TCP11: variants seen among roughly 807,000 people sequenced by gnomAD.
The protein encoded by TCP11 is T-complex protein 11 homolog.
TCP11 carries 34 observed loss-of-function variants against 45.0 expected under a neutral mutation model. The observed-to-expected ratio is 0.76, with a 90% confidence interval of 0.57 to 1.01. The LOEUF is 1.01. Ranked by LOEUF, TCP11 falls within the 50% of genes least tolerant of loss-of-function variation. The pLI is 0.00. For synonymous variants in TCP11, 227 were observed against 227.0 expected, an observed-to-expected ratio of 1.00 and a Z score of 0.00; for missense variants, 523 against 598.1, an observed-to-expected ratio of 0.87 and a Z score of 1.31.
At chr6:35,134,428 G>A (rs1198164944) in intron 3 of TCP11, among the ~76,000 whole-genome samples, 4 of 151,598 alleles carry the variant, frequency 2.6e-5, no homozygotes, top group African/African-American at 4.9e-5. Flanking sequence ...CTACAGGCTC[G>A]CACCACCATG....
At chr6:35,123,685 G>A (rs1414160065) in intron 4 of TCP11, among the ~76,000 whole-genome samples, 6 of 136,366 alleles carry the variant, frequency 4.4e-5, no homozygotes, top group African/African-American at 8.3e-5. Flanking sequence ...ATGGGGTCTC[G>A]CTGTGTTGCC....
At chr6:35,134,880 G>C (rs1240718863) in intron 3 of TCP11, among the ~76,000 whole-genome samples, 1 of 151,898 alleles carries the variant, frequency 6.6e-6, no homozygotes, top group Non-Finnish European at 1.5e-5. Context: ...GGCCGGGTAC[G>C]GTGGCTCACG....
At chr6:35,132,202 G>A (rs1316795851) in intron 3 of TCP11, among the ~76,000 whole-genome samples, 1 of 152,126 alleles carries the variant, frequency 6.6e-6, no homozygotes, top group Non-Finnish European at 1.5e-5. Context: ...AACATACCAT[G>A]TTCTACCACC....
chr6:35,129,117 G>T lies in TCP11; in HGVS notation c.302C>A (p.Ser101Ter). The change falls in exon 4 of 10, where the codon TCA (serine) becomes TAA (stop). Residue 101 changes from serine to a stop codon, truncating the protein, a stop_gained. Transcript: ENST00000311875. LOFTEE classifies it high-confidence loss of function. ...ACAGCTGAAGTCAGGGGGAGTTGCT[G>T]ATAGTTGCTCTTTAAGATGGTCCCA... Reference protein sequence around the residue: ...AFWDHLKEQLSATPPDFSCAL... With the variant: ...AFWDHLKEQL 6.2e-7 allele frequency: 1 copy of T among 1,614,148 alleles called. No individual in the cohort carries two copies. The highest frequency in any genetic ancestry group is 8.5e-7 in the Non-Finnish European group (1 of 1,180,012).
intron 4 of TCP11, among the ~76,000 whole-genome samples, chr6:35,123,147 G>A (rs1007913258): frequency 6.6e-6 from 1 of 152,138 alleles, no homozygotes; most frequent in African/African-American, 2.4e-5. Context: ...TTCCTTCTTG[G>A]CTCTGGTATG....
At chr6:35,130,132 C>A (rs1780235081) in intron 3 of TCP11, among the ~76,000 whole-genome samples, 1 of 151,988 alleles carries the variant, frequency 6.6e-6, no homozygotes, top group Non-Finnish European at 1.5e-5. Context: ...AATGTTGGAA[C>A]AACTAGATAT....
chr6:35,140,103 A>G, intron 2 of TCP11: 1 of 1,613,932 alleles, frequency 6.2e-7, no homozygotes, highest in Non-Finnish European at 8.5e-7. Flanking sequence ...TGTGGCCACA[A>G]GAAAAACCAA....
intron 8 of TCP11, 114 bp from the exon 9 acceptor site, chr6:35,119,505 C>T: frequency 7.7e-7 from 1 of 1,294,462 alleles, no homozygotes; most frequent in Admixed American, 2.2e-5. Flanking sequence ...TGTCAGCCAC[C>T]CTCTCCACCC....
rs1163356250 is a variant in TCP11, at chr6:35,120,730, C to A, written c.716-84G>T. On this transcript the variant is annotated intron_variant, in intron 6 of 9. Transcript: ENST00000311875. The surrounding 1 kb of genome is among the most constrained non-coding windows in gnomAD (Gnocchi z 4.9). The stretch of plus-strand genomic sequence containing the variant: ...GACCAAGGTTCTTTTCAAGTATACT[C>A]CTGGTCAATAAATAAATGCTTTGAG... 3.5e-6 allele frequency: 5 copies of A among 1,439,036 alleles called. No individual in the cohort carries two copies. The allele number at this position is 1,439,036 out of a possible 1,614,324, so 89.1% of individuals were successfully genotyped here.
At position 35,140,834 on chromosome 6, in the gene TCP11, G is replaced by A; in HGVS notation, c.37C>T (p.Pro13Ser). 1 of 1,564,008 alleles carries A rather than the reference G, an allele frequency of 6.4e-7. No individual in the cohort carries two copies. The highest frequency in any genetic ancestry group is 8.6e-7 in the Non-Finnish European group (1 of 1,159,014). ...CAGGACCTGCCCTCTGAGTCGCCAG[G>A]ATATTTCGGGGGCACACTCTCCTTG... ...DVKESVPPKYPGDSEGRSCKP... is the reference protein window; with the variant it reads ...DVKESVPPKYSGDSEGRSCKP... Residue 13 changes from proline (P) to serine (S), a missense_variant, in exon 2 of 10, where the codon CCT (proline) becomes TCT (serine). By Grantham distance (74) the Pro-to-Ser change is moderately conservative. Transcript: ENST00000311875.
chr6:35,129,247 C>T, intron 3 of TCP11, 65 bp from the exon 4 acceptor site: 1 of 1,540,192 alleles, frequency 6.5e-7, no homozygotes, highest in South Asian at 1.3e-5. Flanking sequence ...GTCATAACCT[C>T]CTAAACCCCA....
chr6:35,121,569 T>C (rs945731103), intron 5 of TCP11, among the ~76,000 whole-genome samples: 3 of 151,676 alleles, frequency 2.0e-5, no homozygotes, highest in Non-Finnish European at 4.4e-5. Context: ...TCCCAGCACT[T>C]TGGGAGGCCG....
At chr6:35,141,140 G>C in intron 1 of TCP11, 65 bp downstream of exon 1, 1 of 1,315,774 alleles carries the variant, frequency 7.6e-7, no homozygotes, top group Non-Finnish European at 9.7e-7. Flanking sequence ...CCCTTCCTTC[G>C]CGGCGAGGTG....
chr6:35,118,536 G>T lies in TCP11; in HGVS notation c.1280-35C>A, dbSNP rs760744875. The stretch of plus-strand genomic sequence containing the variant: ...GGAAAAGACACTGATAAGGGAAAAG[G>T]CAAACAGATTTCAGGGAGAAAATTC... On this transcript the variant is annotated intron_variant, in intron 9 of 9. Coordinates refer to ENST00000311875, the MANE Select transcript of TCP11 (RefSeq NM_001370687.1). The T allele has an allele frequency of 2.5e-6, 4 of 1,587,980 alleles. No individual in the cohort carries two copies. In the South Asian group the frequency reaches 4.5e-5, roughly 18 times the overall value.
chr6:35,120,541 G>A lies in TCP11; in HGVS notation c.821C>T (p.Pro274Leu). ...GTTGTTGGCTGCCTCATTGGGAGAG[G>A]GGCCAGCCACACTGGAGGAGTCAGA... ...DTSDSSSVAG[P>L]SPNEAANNPE... The change falls in exon 7 of 10, where the codon CCC (proline) becomes CTC (leucine). Residue 274 changes from proline to leucine, a missense_variant. Physicochemically the swap from Pro to Leu is moderately conservative, Grantham distance 98. This residue lies in a region of TCP11 where 298 missense variants were observed against 387.9 expected (regional missense o/e 0.77). Coordinates refer to ENST00000311875, the MANE Select transcript of TCP11 (RefSeq NM_001370687.1). The surrounding 1 kb of genome is among the most constrained non-coding windows in gnomAD (Gnocchi z 4.9). 1.2e-6 allele frequency: 2 copies of A among 1,614,018 alleles called. No homozygotes were observed. The highest frequency in any genetic ancestry group is 1.7e-6 in the Non-Finnish European group (2 of 1,180,032).
At chr6:35,134,416 G>A (rs974812876) in intron 3 of TCP11, among the ~76,000 whole-genome samples, 1 of 151,688 alleles carries the variant, frequency 6.6e-6, no homozygotes, top group Non-Finnish European at 1.5e-5. Context: ...GAGTAGCTGA[G>A]ACTACAGGCT....
intron 2 of TCP11, chr6:35,140,349 T>G (rs961176295): frequency 1.5e-6 from 1 of 671,472 alleles, no homozygotes; most frequent in Non-Finnish European, 2.5e-6. Context: ...AGCTAGAGAC[T>G]GGGCCCAGGA....
In TCP11 at chr6:35,120,412, C is replaced by T; in HGVS notation, c.933+17G>A. 1 of 1,588,144 alleles carries T rather than the reference C, an allele frequency of 6.3e-7. No homozygotes were observed. Among genetic ancestry groups the T allele is most frequent in the Non-Finnish European group, 8.6e-7 (1 of 1,166,642 alleles). On this transcript the variant is annotated intron_variant, in intron 7 of 9. Coordinates refer to ENST00000311875, the MANE Select transcript of TCP11 (RefSeq NM_001370687.1). The surrounding 1 kb of genome is among the most constrained non-coding windows in gnomAD (Gnocchi z 4.9). ...GCCCTGAACACAAAACAAGGCAATG[C>T]CCCCAGACATTCCTACCTCAGGGAA... is the stretch of plus-strand genomic sequence containing the variant.
chr6:35,135,620 T>TA (rs35859439), intron 3 of TCP11, among the ~76,000 whole-genome samples: 58,317 of 121,390 alleles, frequency 0.48, 14,308 homozygotes, highest in South Asian at 0.58. Flanking sequence ...ACCCCATCTC[T>TA]AAAAAAAAAA....
Sources: gnomAD v4.1 joint callset for allele counts (sites outside exome capture counted in the v4.1 genomes callset) on GRCh38, gnomAD v4.1.1 for gene constraint, gnomAD v4.1.1 regional missense constraint, Gnocchi (gnomAD v3.1) non-coding constraint, MANE v1.5 for transcripts, NCBI Gene and HGNC (gene_info 2026-07-23, HGNC 2026-07-21) for gene names.